Variants in SCN2A observed in about 807,000 individuals in gnomAD.
The protein encoded by SCN2A is sodium voltage-gated channel alpha subunit 2.
A neutral mutation model predicts 188.7 loss-of-function variants in SCN2A; 20 were observed. The ratio of observed to expected loss-of-function variants is 0.11; its 90% CI spans 0.07 to 0.15. The LOEUF (loss-of-function observed/expected upper bound fraction) is 0.15. SCN2A is among the 10% of genes least tolerant of loss of function. The probability of loss-of-function intolerance (pLI) is 1.00; values close to 1 mark genes in which losing one functional copy is unlikely to be tolerated. For missense variants in SCN2A, 1,278 were observed against 2,445.0 expected, an observed-to-expected ratio of 0.52 and a Z score of 10.07; for synonymous variants, 804 against 833.1, an observed-to-expected ratio of 0.97 and a Z score of 0.60.
Position 165,367,237 on chromosome 2 carries a change from T to C in SCN2A, c.3541T>C (p.Cys1181Arg). The C allele has an allele frequency of 6.2e-7, 1 of 1,614,108 alleles. No homozygotes were observed. Among genetic ancestry groups the C allele is most frequent in the South Asian group, 1.1e-5 (1 of 91,082 alleles). The change falls in exon 19 of 27, where the codon TGT becomes CGT. Residue 1181 changes from cysteine (C) to arginine (R), a missense_variant. Physicochemically the swap from Cys to Arg is radical, Grantham distance 180. This residue lies in a region of SCN2A where 228 missense variants were observed against 297.3 expected (regional missense o/e 0.77). Coordinates refer to ENST00000375437, the MANE Select transcript of SCN2A (RefSeq NM_001040142.2). ...FTEDCVRKFKCCQISIEEGKG... is the reference protein window; with the variant it reads ...FTEDCVRKFKRCQISIEEGKG... The stretch of plus-strand genomic sequence containing the variant: ...TTTAGACTGTGTACGGAAGTTCAAG[T>C]GTTGTCAGATAAGCATAGAAGAAGG...
chr2:165,252,329 T>A (rs1036508369), intron 1 of SCN2A, among the ~76,000 whole-genome samples: 1 of 152,106 alleles, frequency 6.6e-6, no homozygotes, highest in Non-Finnish European at 1.5e-5. Context: ...TTAACTAGTA[T>A]AAATATATCA....
intron 5 of SCN2A, 26 bp from the exon 6 acceptor site, chr2:165,309,326 G>A (rs1288972405): frequency 1.9e-6 from 3 of 1,613,594 alleles, no homozygotes. Flanking sequence ...CTGTCATTGT[G>A]TTTGTGTGTG....
intron 11 of SCN2A, among the ~76,000 whole-genome samples, chr2:165,321,920 C>G (rs577145677): frequency 6.6e-6 from 1 of 152,178 alleles, no homozygotes; most frequent in Admixed American, 6.5e-5. Flanking sequence ...AAAGATCAAA[C>G]CAATAATACT....
At chr2:165,271,245 A>G (rs1695090882) in intron 1 of SCN2A, 1 of 152,112 alleles carries the variant, frequency 6.6e-6, no homozygotes, top group Non-Finnish European at 1.5e-5. Context: ...AGCGGAGAGT[A>G]TGAATGGTAT....
intron 1 of SCN2A, chr2:165,266,404 T>C (rs1382494416): frequency 2.0e-5 from 3 of 152,084 alleles, no homozygotes; most frequent in South Asian, 2.1e-4. Context: ...TCTTTCTCCA[T>C]AAATTTGAGG....
chr2:165,313,475 C>A, intron 8 of SCN2A, 145 bp from the exon 9 acceptor site: 1 of 792,508 alleles, frequency 1.3e-6, no homozygotes, highest in Non-Finnish European at 2.2e-6. Flanking sequence ...CCACTTAGTG[C>A]TGAGTTAAGT....
intron 7 of SCN2A, among the ~76,000 whole-genome samples, chr2:165,311,356 TTA>T (rs1268376466): frequency 2.0e-5 from 3 of 152,092 alleles, no homozygotes; most frequent in East Asian, 1.9e-4. Flanking sequence ...CTTACTGAAG[TTA>T]TATGTCATGC....
intron 11 of SCN2A, among the ~76,000 whole-genome samples, chr2:165,319,890 G>A (rs181020637): frequency 1.1e-4 from 17 of 152,096 alleles, no homozygotes; most frequent in African/African-American, 3.4e-4. Context: ...TTCCACCCCC[G>A]GCCCCTCCCA....
intron 3 of SCN2A, among the ~76,000 whole-genome samples, chr2:165,303,429 C>T (rs548973674): frequency 2.2e-4 from 33 of 152,028 alleles, no homozygotes; most frequent in African/African-American, 8.0e-4. Flanking sequence ...GCGCCCGCCA[C>T]CACGCCCGGC....
rs80044755 is a variant in SCN2A, at chr2:165,367,654, C to G, written c.3675+283C>G. ...TCATCAGAGGCAGTTCTTATTAAGA[C>G]TGGTTATGTAGACATGATGTAGGAT... On this transcript the variant is annotated intron_variant, in intron 19 of 26. Coordinates refer to ENST00000375437, the MANE Select transcript of SCN2A (RefSeq NM_001040142.2). 3.0e-3 allele frequency among the ~76,000 whole-genome samples: 463 copies of G among 152,284 alleles called. 10 individuals carry two copies. The East Asian group carries it at 0.058, about 19-fold the overall frequency.
At chr2:165,239,690 G>C in intron 1 of SCN2A, 50 bp downstream of exon 1, 1 of 847,880 alleles carries the variant, frequency 1.2e-6, no homozygotes, top group Non-Finnish European at 1.4e-6. Flanking sequence ...TGTTATCTAT[G>C]TTAAGAATGA....
chr2:165,325,756 TG>T (rs1698324359), intron 12 of SCN2A, among the ~76,000 whole-genome samples: 1 of 152,170 alleles, frequency 6.6e-6, no homozygotes, highest in African/African-American at 2.4e-5. Context: ...TAATTTTACT[TG>T]TTTTTTTACC....
chr2:165,327,064 C>T, intron 13 of SCN2A, 80 bp downstream of exon 13: 2 of 1,508,390 alleles, frequency 1.3e-6, no homozygotes, highest in South Asian at 2.3e-5. Flanking sequence ...CAATAAAATA[C>T]TTCCTGACTT....
rs1574731863 is a variant in SCN2A at position 165,380,944 on chromosome 2, T to C, written c.4447-149T>C. 5 of 689,926 alleles carry C rather than the reference T, an allele frequency of 7.2e-6. 1 individual carries two copies. Among genetic ancestry groups the C allele is most frequent in the South Asian group, 5.7e-5 (3 of 52,316 alleles). 42.7% of individuals were successfully genotyped at this position (689,926 alleles called of 1,614,324 possible). The stretch of plus-strand genomic sequence containing the variant: ...TAGAAATATGACTAATATGGCATAA[T>C]TTATATATTGAATAAAGGCATCTCT... On this transcript the variant is annotated intron_variant, in intron 24 of 26. Coordinates refer to ENST00000375437, the MANE Select transcript of SCN2A (RefSeq NM_001040142.2).
chr2:165,290,670 T>C (rs1696055108), intron 1 of SCN2A: 1 of 546,062 alleles, frequency 1.8e-6, no homozygotes, highest in Non-Finnish European at 2.3e-6. Flanking sequence ...TGAGCACATC[T>C]GTAAAGTAAG....
intron 14 of SCN2A, among the ~76,000 whole-genome samples, chr2:165,332,184 C>G (rs10187103): frequency 6.6e-6 from 1 of 151,406 alleles, no homozygotes; most frequent in African/African-American, 2.4e-5. Flanking sequence ...AAGAAAATCA[C>G]GCAAAAAAGT....
chr2:165,383,956 A>G (rs1234055547), intron 25 of SCN2A, among the ~76,000 whole-genome samples: 1 of 152,112 alleles, frequency 6.6e-6, no homozygotes, highest in African/African-American at 2.4e-5. Context: ...AAGTAGCAAA[A>G]TAAAGGTTTC....
rs187037043 is a variant in SCN2A, at chr2:165,284,460, C to T, written c.-51-11313C>T. Among the ~76,000 whole-genome samples, 654 of 151,572 alleles carry T rather than the reference C, an allele frequency of 4.3e-3. 7 individuals are homozygous for T. In the Middle Eastern group the frequency reaches 0.048, roughly 11 times the overall value. On this transcript the variant is annotated intron_variant, in intron 1 of 26. Coordinates refer to ENST00000375437, the MANE Select transcript of SCN2A (RefSeq NM_001040142.2). ...CTGGGTTTACAGGCGTGAGCCACTG[C>T]GCCCAGCCTGTTATTATTATTATTT...
intron 26 of SCN2A, 137 bp downstream of exon 26, chr2:165,387,153 G>T (rs1297890706): frequency 3.4e-6 from 3 of 878,296 alleles, no homozygotes; most frequent in Non-Finnish European, 5.3e-6. Flanking sequence ...CATTGTTTTA[G>T]TTTTAGTTTG....
Sources: allele counts gnomAD v4.1 joint callset (sites outside exome capture counted in the v4.1 genomes callset), GRCh38; gene constraint gnomAD v4.1.1; regional missense constraint gnomAD v4.1.1; transcripts MANE v1.5; gene names NCBI Gene and HGNC (gene_info 2026-07-23, HGNC 2026-07-21).